The following ASB3 variants were observed in gnomAD, a reference collection of about 807,000 sequenced individuals.
ASB3 encodes the protein ankyrin repeat and SOCS box containing 3.
Under a neutral mutation model 54.5 loss-of-function variants are expected in ASB3, and 41 were observed. The ratio of observed to expected loss-of-function variants is 0.75; its 90% CI spans 0.59 to 0.98. ASB3 has a LOEUF of 0.98. Among genes scored for constraint, ASB3 ranks in the 50% least tolerant of loss-of-function variants. The pLI, the probability that ASB3 is intolerant of heterozygous loss-of-function variation, is 0.00. For synonymous variants in ASB3, 266 were observed against 221.2 expected, an observed-to-expected ratio of 1.20 and a Z score of -1.80; for missense variants, 733 against 620.0, an observed-to-expected ratio of 1.18 and a Z score of -1.94.
chr2:53,765,279 GA>G, intron 2 of ASB3, 97 bp downstream of exon 2: 1 of 1,493,554 alleles, frequency 6.7e-7, no homozygotes, highest in Non-Finnish European at 9.0e-7. Context: ...TATAGAAAGG[GA>G]AACAAATACT....
At chr2:53,706,355 C>G (rs1669769917) in intron 7 of ASB3, among the ~76,000 whole-genome samples, 1 of 152,144 alleles carries the variant, frequency 6.6e-6, no homozygotes, top group East Asian at 1.9e-4. Flanking sequence ...AAGGGCAAAT[C>G]CTTGCTCTCA....
At chr2:53,730,430 T>G (rs377245298) in intron 3 of ASB3, among the ~76,000 whole-genome samples, 2 of 152,228 alleles carry the variant, frequency 1.3e-5, no homozygotes, top group South Asian at 4.1e-4. Context: ...AAGGTCTGGC[T>G]AACGTGCTTG....
At chr2:53,708,131 C>A (rs115550480) in intron 7 of ASB3, among the ~76,000 whole-genome samples, 1,545 of 152,106 alleles carry the variant, frequency 0.01, 25 homozygotes, top group African/African-American at 0.036. Context: ...TGGGAGGTGA[C>A]TGGATCATGG....
chr2:53,723,011 T>C (rs1385414144), intron 5 of ASB3, among the ~76,000 whole-genome samples: 4 of 152,150 alleles, frequency 2.6e-5, no homozygotes, highest in Admixed American at 6.5e-5. Context: ...ACAAAATCAA[T>C]GTATAAAATC....
At chr2:53,710,834 C>A (rs1261834921) in intron 7 of ASB3, among the ~76,000 whole-genome samples, 1 of 152,106 alleles carries the variant, frequency 6.6e-6, no homozygotes, top group Non-Finnish European at 1.5e-5. Context: ...TTACTTTCAA[C>A]ATTTTGGGTT....
chr2:53,756,784 C>T (rs771379604), intron 2 of ASB3: 2 of 153,046 alleles, frequency 1.3e-5, no homozygotes, highest in Non-Finnish European at 2.9e-5. Context: ...TCACCGTCGT[C>T]GCAGACCCGC....
intron 3 of ASB3, among the ~76,000 whole-genome samples, chr2:53,740,238 AATT>A (rs1201859282): frequency 6.6e-6 from 1 of 152,158 alleles, no homozygotes; most frequent in African/African-American, 2.4e-5. Flanking sequence ...TGAACAGTAA[AATT>A]ATTTTTTCAT....
rs1009713799 is a variant in ASB3, at chr2:53,757,390, G to A, written c.197-6449C>T. On this transcript the variant is annotated intron_variant, in intron 2 of 9. Coordinates refer to ENST00000263634, the MANE Select transcript of ASB3 (RefSeq NM_016115.5). ...GGCCGACTAGAGGCAGAAAGCTGTC[G>A]TCCCGAACTCCCGGCGTTAGCTGGT... Among the ~76,000 whole-genome samples, 10 of 152,312 alleles carry A rather than the reference G, an allele frequency of 6.6e-5. No individual in the cohort carries two copies. The East Asian group carries it at 1.2e-3, about 18-fold the overall frequency.
At chr2:53,768,596 T>G (rs10490470) in intron 1 of ASB3, among the ~76,000 whole-genome samples, 24,365 of 152,182 alleles carry the variant, frequency 0.16, 2,285 homozygotes, top group African/African-American at 0.26. Flanking sequence ...GGAACTCACT[T>G]TGGTTTTCAG....
intron 9 of ASB3, among the ~76,000 whole-genome samples, chr2:53,689,996 G>A (rs1325139676): frequency 1.3e-5 from 2 of 152,112 alleles, no homozygotes; most frequent in Non-Finnish European, 2.9e-5. Flanking sequence ...ACTTTGGGAG[G>A]CTGAGGTGGA....
intron 3 of ASB3, among the ~76,000 whole-genome samples, chr2:53,738,212 GCAAAA>G (rs1558550604): frequency 6.6e-6 from 1 of 152,188 alleles, no homozygotes; most frequent in Non-Finnish European, 1.5e-5. Flanking sequence ...CTATTGATAA[GCAAAA>G]CTAGTTGGCT....
intron 9 of ASB3, among the ~76,000 whole-genome samples, chr2:53,688,909 T>G (rs1668767979): frequency 6.6e-6 from 1 of 151,900 alleles, no homozygotes; most frequent in African/African-American, 2.4e-5. Context: ...GTCCTGCACA[T>G]GTATCCCAGA....
intron 2 of ASB3, among the ~76,000 whole-genome samples, chr2:53,758,569 G>T (rs1486873601): frequency 6.6e-6 from 1 of 152,140 alleles, no homozygotes; most frequent in African/African-American, 2.4e-5. Context: ...GAGCGCAAAG[G>T]CAATATTGGG....
chr2:53,777,150 C>A (rs1558578481), intron 1 of ASB3, among the ~76,000 whole-genome samples: 2 of 152,218 alleles, frequency 1.3e-5, no homozygotes, highest in African/African-American at 4.8e-5. Flanking sequence ...AAAACCACCA[C>A]TAATCCTACA....
intron 7 of ASB3, among the ~76,000 whole-genome samples, chr2:53,706,850 C>T (rs1255870856): frequency 6.6e-6 from 1 of 152,200 alleles, no homozygotes; most frequent in African/African-American, 2.4e-5. Flanking sequence ...TGAAGAAAAG[C>T]AATTCATCCA....
At chr2:53,740,459 G>C (rs1022220969) in intron 3 of ASB3, among the ~76,000 whole-genome samples, 1 of 151,964 alleles carries the variant, frequency 6.6e-6, no homozygotes, top group African/African-American at 2.4e-5. Flanking sequence ...GTATCCTCAA[G>C]TTTATGTTTT....
chr2:53,762,173 G>GTA (rs1673182310), intron 2 of ASB3, among the ~76,000 whole-genome samples: 1 of 123,136 alleles, frequency 8.1e-6, no homozygotes. Flanking sequence ...TGATCTAACT[G>GTA]TGTGTGTGTG....
At chr2:53,745,969 T>C (rs924504930) in intron 3 of ASB3, among the ~76,000 whole-genome samples, 1 of 152,210 alleles carries the variant, frequency 6.6e-6, no homozygotes, top group Non-Finnish European at 1.5e-5. Context: ...TCTTCCATTA[T>C]AGACTGAAGC....
At chr2:53,670,796 T>A in intron 9 of ASB3, 106 bp from the exon 10 acceptor site, 1 of 1,294,012 alleles carries the variant, frequency 7.7e-7, no homozygotes, top group Non-Finnish European at 1.0e-6. Context: ...AAAAGTGATA[T>A]ATTGCTTGAA....
Sources: gnomAD v4.1 joint callset for allele counts (sites outside exome capture counted in the v4.1 genomes callset) on GRCh38, gnomAD v4.1.1 for gene constraint, MANE v1.5 for transcripts, NCBI Gene and HGNC (gene_info 2026-07-23, HGNC 2026-07-21) for gene names.